Variants in GNAQ observed in about 807,000 individuals in gnomAD.
GNAQ encodes guanine nucleotide-binding protein G(q) subunit alpha.
A neutral mutation model predicts 43.9 loss-of-function variants in GNAQ; 8 were observed. The observed-to-expected ratio is 0.18, with a 90% CI of 0.11 to 0.33. The LOEUF is 0.33. GNAQ is among the 10% of genes least tolerant of loss of function. The pLI is 1.00. For synonymous variants in GNAQ, 155 were observed against 170.7 expected (o/e 0.91, Z 0.71); for missense variants, 158 against 450.8 (o/e 0.35, Z 5.88).
At chr9:77,797,005 G>A (rs897622530) in intron 4 of GNAQ, among the ~76,000 whole-genome samples, 1 of 152,106 alleles carries the variant, frequency 6.6e-6, no homozygotes, top group African/African-American at 2.4e-5. Context: ...AAATTGAAAT[G>A]CCAAATGTTC....
intron 1 of GNAQ, among the ~76,000 whole-genome samples, chr9:77,979,668 C>A (rs1237267271): frequency 6.6e-6 from 1 of 152,144 alleles, no homozygotes; most frequent in Admixed American, 6.5e-5. Context: ...TAAAAAATAG[C>A]CCCTTCTTTG....
chr9:77,976,389 T>C (rs560552522), intron 1 of GNAQ, among the ~76,000 whole-genome samples: 52 of 148,294 alleles, frequency 3.5e-4, no homozygotes, highest in Admixed American at 8.6e-4. Context: ...GGTTTTTTTT[T>C]GTTTTTGTTT....
At chr9:77,748,196 T>C (rs1476295068) in intron 5 of GNAQ, among the ~76,000 whole-genome samples, 3 of 152,248 alleles carry the variant, frequency 2.0e-5, no homozygotes, top group Non-Finnish European at 4.4e-5. Flanking sequence ...TCAGCTATTA[T>C]CTTAAATGGA....
intron 4 of GNAQ, among the ~76,000 whole-genome samples, chr9:77,795,152 C>T (rs868255630): frequency 2.0e-4 from 31 of 152,050 alleles, no homozygotes; most frequent in African/African-American, 7.5e-4. Flanking sequence ...TTTTTTCTTC[C>T]CAATATTGAT....
At chr9:77,900,431 G>A (rs1363734524) in intron 2 of GNAQ, among the ~76,000 whole-genome samples, 2 of 152,116 alleles carry the variant, frequency 1.3e-5, no homozygotes, top group Non-Finnish European at 2.9e-5. Flanking sequence ...GGAAAACTGT[G>A]GGATAACTAT....
Position 77,924,014 on chromosome 9 carries a change from C to A in GNAQ, c.137-1669G>T, listed in dbSNP as rs182818113. 1.6e-3 allele frequency among the ~76,000 whole-genome samples: 241 copies of A among 152,166 alleles called. 1 individual carries two copies. The highest frequency in any genetic ancestry group is 5.2e-3 in the African/African-American group (216 of 41,500). ...GCAGATGTCTTGGTAAATACATAGC[C>A]CTCACACAGTTACAATGAAAGGTAT... On this transcript the variant is annotated intron_variant, in intron 1 of 6. Coordinates refer to ENST00000286548, the MANE Select transcript of GNAQ (RefSeq NM_002072.5).
intron 1 of GNAQ, among the ~76,000 whole-genome samples, chr9:77,943,189 T>C (rs1829339031): frequency 6.6e-6 from 1 of 152,236 alleles, no homozygotes; most frequent in Admixed American, 6.5e-5. Context: ...GATTTGAAGA[T>C]TATTCTAACC....
chr9:78,004,938 T>A (rs1272655323), intron 1 of GNAQ, among the ~76,000 whole-genome samples: 2 of 152,072 alleles, frequency 1.3e-5, no homozygotes, highest in Non-Finnish European at 2.9e-5. Context: ...CAGTAAGGAA[T>A]AAGGCTAGAA....
intron 5 of GNAQ, among the ~76,000 whole-genome samples, chr9:77,760,922 A>G (rs11145556): frequency 0.66 from 91,078 of 137,802 alleles, 29,668 homozygotes; most frequent in Non-Finnish European, 0.73. Flanking sequence ...GGTGAGGAGC[A>G]TCTCTGCCCA....
intron 1 of GNAQ, among the ~76,000 whole-genome samples, chr9:78,013,184 A>T (rs1024613590): frequency 2.0e-5 from 3 of 152,222 alleles, no homozygotes; most frequent in Non-Finnish European, 4.4e-5. Flanking sequence ...ATCTGACACA[A>T]ATACCCATAT....
At chr9:77,791,696 A>C (rs1245629668) in intron 5 of GNAQ, among the ~76,000 whole-genome samples, 1 of 152,198 alleles carries the variant, frequency 6.6e-6, no homozygotes, top group African/African-American at 2.4e-5. Context: ...CAAAAGCAAT[A>C]ATCTAAAATG....
intron 1 of GNAQ, among the ~76,000 whole-genome samples, chr9:77,923,300 C>A (rs1215457678): frequency 6.6e-6 from 1 of 152,142 alleles, no homozygotes; most frequent in African/African-American, 2.4e-5. Context: ...TCTTCCCTCT[C>A]CCGATTCTTG....
At chr9:77,904,316 G>GC (rs1828666219) in intron 2 of GNAQ, among the ~76,000 whole-genome samples, 1 of 103,248 alleles carries the variant, frequency 9.7e-6, no homozygotes, top group African/African-American at 3.8e-5. Flanking sequence ...GTTCACACCG[G>GC]CTTTTTTTTT....
At chr9:77,987,186 G>A (rs1355830657) in intron 1 of GNAQ, among the ~76,000 whole-genome samples, 2 of 151,966 alleles carry the variant, frequency 1.3e-5, no homozygotes, top group Admixed American at 6.6e-5. Flanking sequence ...TCTGCTTTAT[G>A]GCATGTAGGC....
chr9:77,877,994 T>G (rs1828151673), intron 2 of GNAQ, among the ~76,000 whole-genome samples: 1 of 152,172 alleles, frequency 6.6e-6, no homozygotes, highest in Admixed American at 6.5e-5. Context: ...TACACCACAA[T>G]TTTAATTACC....
At chr9:77,858,426 CACT>C (rs939855618) in intron 2 of GNAQ, among the ~76,000 whole-genome samples, 2 of 152,056 alleles carry the variant, frequency 1.3e-5, no homozygotes, top group Admixed American at 1.3e-4. Context: ...TTAGAGTGAC[CACT>C]ACTACCTTCA....
intron 1 of GNAQ, among the ~76,000 whole-genome samples, chr9:78,002,679 T>A (rs1287314497): frequency 2.0e-5 from 3 of 152,206 alleles, no homozygotes; most frequent in Non-Finnish European, 4.4e-5. Context: ...AGGGACTGCA[T>A]CTTTTCAACT....
intron 2 of GNAQ, among the ~76,000 whole-genome samples, chr9:77,834,956 C>A (rs995665963): frequency 3.3e-5 from 5 of 152,154 alleles, no homozygotes; most frequent in Admixed American, 1.3e-4. Context: ...TTGATCAGCA[C>A]AACATATTAC....
At chr9:77,822,872 AAAG>A (rs1827138961) in intron 2 of GNAQ, among the ~76,000 whole-genome samples, 1 of 152,176 alleles carries the variant, frequency 6.6e-6, no homozygotes, top group Non-Finnish European at 1.5e-5. Flanking sequence ...TAATAAAAAT[AAAG>A]AAACAAAAAC....
Sources: gnomAD v4.1 joint callset for allele counts (sites outside exome capture counted in the v4.1 genomes callset) on GRCh38, gnomAD v4.1.1 for gene constraint, MANE v1.5 for transcripts, NCBI Gene and HGNC (gene_info 2026-07-23, HGNC 2026-07-21) for gene names.